GMDS: variants seen among roughly 807,000 people sequenced by gnomAD.
The protein encoded by GMDS is GDP-mannose 4,6-dehydratase.
A neutral mutation model predicts 49.9 loss-of-function variants in GMDS; 20 were observed. That is an observed-to-expected ratio of 0.40 (90% confidence interval 0.28 to 0.58). The LOEUF (loss-of-function observed/expected upper bound fraction) is 0.58, where lower values mean the gene tolerates loss of function less well. Ranked by LOEUF, GMDS falls within the 20% of genes least tolerant of loss-of-function variation. The pLI is 0.42. For missense variants in GMDS, 362 were observed against 481.4 expected, an observed-to-expected ratio of 0.75 and a Z score of 2.32; for synonymous variants, 177 against 178.6, an observed-to-expected ratio of 0.99 and a Z score of 0.07.
chr6:2,011,423 C>G (rs1262780756), intron 4 of GMDS, among the ~76,000 whole-genome samples: 1 of 152,146 alleles, frequency 6.6e-6, no homozygotes, highest in Non-Finnish European at 1.5e-5. Context: ...AACTATCATT[C>G]GATCTAGCAA....
At chr6:1,818,859 C>A (rs947439467) in intron 7 of GMDS, among the ~76,000 whole-genome samples, 2 of 152,040 alleles carry the variant, frequency 1.3e-5, no homozygotes, top group Admixed American at 1.3e-4. Flanking sequence ...ACTTATGTGG[C>A]CTTTTGTTAC....
intron 7 of GMDS, among the ~76,000 whole-genome samples, chr6:1,909,573 T>C (rs1760945168): frequency 6.6e-6 from 1 of 152,152 alleles, no homozygotes; most frequent in African/African-American, 2.4e-5. Flanking sequence ...TGTGGTTGCT[T>C]TTCTCCAAGG....
chr6:2,042,884 A>T (rs1769769515), intron 4 of GMDS, among the ~76,000 whole-genome samples: 1 of 152,224 alleles, frequency 6.6e-6, no homozygotes, highest in Admixed American at 6.5e-5. Flanking sequence ...TTATGGTATG[A>T]TTCACAAACA....
At chr6:1,918,118 T>C (rs982599071) in intron 7 of GMDS, among the ~76,000 whole-genome samples, 2 of 152,142 alleles carry the variant, frequency 1.3e-5, no homozygotes, top group Non-Finnish European at 2.9e-5. Context: ...GTGTTGGTGA[T>C]GGGTACAGAC....
intron 6 of GMDS, among the ~76,000 whole-genome samples, chr6:1,950,065 T>A (rs982157183): frequency 5.9e-5 from 9 of 152,242 alleles, no homozygotes; most frequent in Non-Finnish European, 1.2e-4. Flanking sequence ...TTTTTAAAGA[T>A]TATTTTATTT....
chr6:1,794,562 T>C (rs1228074740), intron 7 of GMDS, among the ~76,000 whole-genome samples: 1 of 152,176 alleles, frequency 6.6e-6, no homozygotes, highest in Non-Finnish European at 1.5e-5. Context: ...CTTAGAGAAT[T>C]TGGCCTCAGT....
chr6:1,893,444 C>T (rs1759989544), intron 7 of GMDS, among the ~76,000 whole-genome samples: 2 of 152,094 alleles, frequency 1.3e-5, no homozygotes, highest in African/African-American at 2.4e-5. Flanking sequence ...CGCCTGCCTC[C>T]CAAAGTGCTG....
chr6:1,957,314 G>T (rs1763693771), intron 6 of GMDS, among the ~76,000 whole-genome samples: 2 of 152,162 alleles, frequency 1.3e-5, no homozygotes, highest in Admixed American at 1.3e-4. Flanking sequence ...AGCTGGAGAT[G>T]TATGAATACA....
At chr6:2,103,012 C>CA (rs1324002142) in intron 4 of GMDS, among the ~76,000 whole-genome samples, 1 of 152,206 alleles carries the variant, frequency 6.6e-6, no homozygotes, top group African/African-American at 2.4e-5. Flanking sequence ...AGAAAAACTA[C>CA]ATACATATCT....
At chr6:1,861,407 T>G (rs528051143) in intron 7 of GMDS, among the ~76,000 whole-genome samples, 5 of 152,152 alleles carry the variant, frequency 3.3e-5, no homozygotes, top group African/African-American at 1.2e-4. Context: ...TCCAGTGTGG[T>G]GCAGCTGGGG....
intron 9 of GMDS, among the ~76,000 whole-genome samples, chr6:1,655,584 G>A (rs1297899557): frequency 6.6e-6 from 1 of 151,046 alleles, no homozygotes; most frequent in Non-Finnish European, 1.5e-5. Flanking sequence ...GCTCTCTGCA[G>A]CCTCCGCCTC....
At chr6:1,868,109 C>G (rs1758530182) in intron 7 of GMDS, among the ~76,000 whole-genome samples, 1 of 152,036 alleles carries the variant, frequency 6.6e-6, no homozygotes, top group African/African-American at 2.4e-5. Flanking sequence ...GCTTCAGCCT[C>G]CTGAGTAGCT....
At chr6:1,892,057 T>C (rs779652432) in intron 7 of GMDS, among the ~76,000 whole-genome samples, 2 of 152,214 alleles carry the variant, frequency 1.3e-5, no homozygotes, top group Non-Finnish European at 2.9e-5. Flanking sequence ...AAAAAAACTA[T>C]AAATAATATA....
chr6:2,234,122 C>T (rs528360838), intron 1 of GMDS, among the ~76,000 whole-genome samples: 47 of 152,142 alleles, frequency 3.1e-4, no homozygotes, highest in African/African-American at 1.1e-3. Flanking sequence ...ATAAAGACAA[C>T]AAACAAAACA....
chr6:1,804,706 C>T (rs226461), intron 7 of GMDS, among the ~76,000 whole-genome samples: 64,082 of 151,922 alleles, frequency 0.42, 13,592 homozygotes, highest in Middle Eastern at 0.46. Context: ...AAACTCACTT[C>T]GAATCCTTAT....
intron 1 of GMDS, among the ~76,000 whole-genome samples, chr6:2,185,249 A>T (rs1360058339): frequency 6.6e-6 from 1 of 152,164 alleles, no homozygotes; most frequent in Non-Finnish European, 1.5e-5. Context: ...GTTTTTTCAA[A>T]GTTGATATCA....
Position 2,136,906 on chromosome 6 carries a change from CAAA to C in GMDS, c.103-12178_103-12176del, listed in dbSNP as rs3049649. Among the ~76,000 whole-genome samples, 356 of 127,926 alleles carry C rather than the reference CAAA, an allele frequency of 2.8e-3. 2 individuals are homozygous for C. Among genetic ancestry groups the C allele is most frequent in the Non-Finnish European group, 3.6e-3 (217 of 59,928 alleles). 83.9% of individuals were successfully genotyped at this position (127,926 alleles called of 152,430 possible). A position where few individuals can be genotyped will look rare whatever the true frequency, so the allele number is the denominator to read the frequency against. On this transcript the variant is annotated intron_variant, in intron 1 of 10. Coordinates refer to ENST00000380815, the MANE Select transcript of GMDS (RefSeq NM_001500.4). ...TGACAGAGTGAGACTTCATTTCAAA[CAAA>C]AAAAAAAAAAAAAAAGAAAGAAAAA...
chr6:2,117,521 A>G lies in GMDS; in HGVS notation c.183T>C (p.Asn61=). 3 of 1,610,078 alleles carry G rather than the reference A, an allele frequency of 1.9e-6. No individual in the cohort carries two copies. The highest frequency in any genetic ancestry group is 2.6e-6 in the Non-Finnish European group (3 of 1,176,264). The change falls in exon 3 of 11, where the codon AAT becomes AAC. Residue 61 remains asparagine, a synonymous_variant. Coordinates refer to ENST00000380815, the MANE Select transcript of GMDS (RefSeq NM_001500.4). ...TATACAGATGCTCAATTCGACCCGT[A>G]TTAAATGAACTGGACCGCCGTACAA... The part of the protein sequence containing the change: ...HGIVRRSSSF[N]TGRIEHLYKN...
intron 1 of GMDS, among the ~76,000 whole-genome samples, chr6:2,169,194 G>C (rs1378986133): frequency 6.6e-6 from 1 of 152,090 alleles, no homozygotes; most frequent in East Asian, 1.9e-4. Context: ...GAACTGGAAG[G>C]CACTTTGAAA....
Sources: allele counts gnomAD v4.1 joint callset (sites outside exome capture counted in the v4.1 genomes callset), GRCh38; gene constraint gnomAD v4.1.1; transcripts MANE v1.5; gene names NCBI Gene and HGNC (gene_info 2026-07-23, HGNC 2026-07-21).